The following RELN variants were observed in gnomAD, a reference collection of about 807,000 sequenced individuals.
The protein encoded by RELN is reelin.
A neutral mutation model predicts 427.6 loss-of-function variants in RELN; 108 were observed. The observed-to-expected ratio is 0.25, with a 90% CI of 0.22 to 0.30. The LOEUF (loss-of-function observed/expected upper bound fraction) is 0.30. Ranked by LOEUF, RELN falls within the 10% of genes least tolerant of loss-of-function variation. The pLI, the probability that RELN is intolerant of heterozygous loss-of-function variation, is 1.00. For synonymous variants in RELN, 1,524 were observed against 1,513.4 expected (o/e 1.01, Z -0.16); for missense variants, 3,715 against 4,302.8 (o/e 0.86, Z 3.82).
rs555497984 is a variant in RELN, at chr7:103,538,544, G to A, written c.7180+534C>T. Reference sequence around the variant, plus strand: ...TGGCCTGGAATGTGCTATGATCCACGGTGGCAAAAAATATAGGCAAAATGG... The same window carrying A: ...TGGCCTGGAATGTGCTATGATCCACAGTGGCAAAAAATATAGGCAAAATGG... On this transcript the variant is annotated intron_variant, in intron 45 of 64. Coordinates refer to ENST00000428762, the MANE Select transcript of RELN (RefSeq NM_005045.4). Among the ~76,000 whole-genome samples, 10 of 152,132 alleles carry A rather than the reference G, an allele frequency of 6.6e-5. No homozygotes were observed. The East Asian group carries it at 1.9e-3, about 29-fold the overall frequency.
chr7:103,814,767 G>GAC (rs1053046414), intron 3 of RELN, among the ~76,000 whole-genome samples: 3 of 107,948 alleles, frequency 2.8e-5, no homozygotes, highest in Admixed American at 1.1e-4. Flanking sequence ...GTAGCTCTGT[G>GAC]ACAGAGCTCA....
At chr7:103,937,658 ACT>A (rs1796016438) in intron 1 of RELN, among the ~76,000 whole-genome samples, 1 of 152,238 alleles carries the variant, frequency 6.6e-6, no homozygotes, top group Admixed American at 6.5e-5. Flanking sequence ...ATGTCCAGGT[ACT>A]CTCAACAACA....
At chr7:103,495,664 C>G in intron 57 of RELN, 59 bp downstream of exon 57, 2 of 1,493,156 alleles carry the variant, frequency 1.3e-6, no homozygotes, top group Non-Finnish European at 1.9e-6. Flanking sequence ...ACTAACCATT[C>G]TCCCTCGAGG....
chr7:103,954,147 C>G (rs1796387040), intron 1 of RELN, among the ~76,000 whole-genome samples: 1 of 152,052 alleles, frequency 6.6e-6, no homozygotes, highest in African/African-American at 2.4e-5. Flanking sequence ...GTAATCCCAG[C>G]TACTCAAGAG....
intron 1 of RELN, among the ~76,000 whole-genome samples, chr7:103,936,806 T>A (rs184830085): frequency 7.2e-5 from 11 of 151,932 alleles, no homozygotes; most frequent in African/African-American, 2.7e-4. Context: ...TCTTATGCAA[T>A]CATAGCAGAT....
chr7:103,898,681 A>C (rs1454633885), intron 2 of RELN, among the ~76,000 whole-genome samples: 1 of 152,076 alleles, frequency 6.6e-6, no homozygotes, highest in Non-Finnish European at 1.5e-5. Flanking sequence ...ATTAGCAGTA[A>C]GTTGAATATT....
intron 1 of RELN, among the ~76,000 whole-genome samples, chr7:103,949,022 C>CAA (rs66678362): frequency 0.048 from 4,279 of 88,320 alleles, 234 homozygotes; most frequent in African/African-American, 0.14. Flanking sequence ...ACATTGTCTC[C>CAA]AAAAAAAAAA....
intron 11 of RELN, among the ~76,000 whole-genome samples, chr7:103,664,711 T>C (rs1434979365): frequency 6.6e-6 from 1 of 152,184 alleles, no homozygotes; most frequent in African/African-American, 2.4e-5. Flanking sequence ...ACTTTGCATT[T>C]ACATGATTAG....
Position 103,478,376 on chromosome 7 carries a change from AAGG to A in RELN, c.10286+10_10286+12del, listed in dbSNP as rs2116962096. On this transcript the variant is annotated intron_variant, in intron 64 of 64. Coordinates refer to ENST00000428762, the MANE Select transcript of RELN (RefSeq NM_005045.4). ...TAGTAAACAGTTCCCCAGATTTAGT[AAGG>A]AGGACTTACCTTACTCTAGTGGAAA... The A allele has an allele frequency of 1.3e-6, 1 of 758,118 alleles. No homozygotes were observed. Among genetic ancestry groups the A allele is most frequent in the Non-Finnish European group, 2.4e-6 (1 of 414,050 alleles). 47.0% of individuals were successfully genotyped at this position (758,118 alleles called of 1,614,324 possible). A position where few individuals can be genotyped will look rare whatever the true frequency, so the allele number is the denominator to read the frequency against.
rs768983701 is a variant in RELN at position 103,594,456 on chromosome 7, G to A, written c.3576C>T (p.Thr1192=). 2.5e-6 allele frequency: 4 copies of A among 1,613,982 alleles called. No individual in the cohort carries two copies. Among genetic ancestry groups the A allele is most frequent in the Middle Eastern group, 1.7e-4 (1 of 6,060 alleles). The change falls in exon 26 of 65, where the codon ACC becomes ACT. Residue 1192 remains threonine, a synonymous_variant. Coordinates refer to ENST00000428762, the MANE Select transcript of RELN (RefSeq NM_005045.4). ...VYLELPAAAK[T]PCTRFRWWQP... ...GCCACCAGCGGAACCTGGTGCAAGG[G>A]GTCTTGGCAGCAGCTGGAAGCTCCA...
At chr7:103,807,541 G>T (rs1329917865) in intron 3 of RELN, among the ~76,000 whole-genome samples, 1 of 152,098 alleles carries the variant, frequency 6.6e-6, no homozygotes, top group Non-Finnish European at 1.5e-5. Context: ...GAGGCTTGGT[G>T]TACCAATGAT....
At chr7:103,575,811 G>T in intron 28 of RELN, 106 bp from the exon 29 acceptor site, 1 of 1,258,250 alleles carries the variant, frequency 7.9e-7, no homozygotes, top group Non-Finnish European at 1.2e-6. Context: ...ATATTTATTT[G>T]AAAGTCATGT....
chr7:103,978,284 T>A (rs1363766964), intron 1 of RELN, among the ~76,000 whole-genome samples: 1 of 152,164 alleles, frequency 6.6e-6, no homozygotes, highest in Non-Finnish European at 1.5e-5. Flanking sequence ...GAGTTCAACT[T>A]TTTTCAGATT....
At chr7:103,822,469 G>A (rs1793038045) in intron 3 of RELN, among the ~76,000 whole-genome samples, 1 of 152,022 alleles carries the variant, frequency 6.6e-6, no homozygotes, top group African/African-American at 2.4e-5. Flanking sequence ...CTAAGATACT[G>A]TAATATAAAG....
chr7:103,827,664 A>T (rs2116391538), intron 3 of RELN, among the ~76,000 whole-genome samples: 1 of 152,122 alleles, frequency 6.6e-6, no homozygotes, highest in African/African-American at 2.4e-5. Flanking sequence ...TGGGGAAGTG[A>T]GAACTATCAG....
chr7:103,611,277 C>T (rs1584343090), intron 21 of RELN, among the ~76,000 whole-genome samples: 1 of 151,902 alleles, frequency 6.6e-6, no homozygotes, highest in South Asian at 2.1e-4. Context: ...TAGGTAGAGA[C>T]AGATGAAGAC....
In RELN at chr7:103,612,608, A is replaced by T. The variant is rs536048589; in HGVS notation, c.2703-805T>A. Among the ~76,000 whole-genome samples the T allele has an allele frequency of 3.0e-3, 459 of 152,308 alleles. 2 individuals carry two copies. The highest frequency in any genetic ancestry group is 5.0e-3 in the Non-Finnish European group (337 of 68,020). On this transcript the variant is annotated intron_variant, in intron 20 of 64. Coordinates refer to ENST00000428762, the MANE Select transcript of RELN (RefSeq NM_005045.4). ...GTCTTAAAAAGCCATAAAATTATGC[A>T]TGAAGGAAATTCACCAGAATGTTTG...
chr7:103,873,974 C>T lies in RELN; in HGVS notation c.338-40302G>A, dbSNP rs989234403. 4.2e-3 allele frequency among the ~76,000 whole-genome samples: 601 copies of T among 142,876 alleles called. 14 individuals carry two copies. Among genetic ancestry groups the T allele is most frequent in the Admixed American group, 9.9e-3 (140 of 14,098 alleles). 93.7% of individuals were successfully genotyped at this position (142,876 alleles called of 152,430 possible). On this transcript the variant is annotated intron_variant, in intron 2 of 64. Transcript: ENST00000428762. The stretch of plus-strand genomic sequence containing the variant: ...AATCCTCAATAAAATACTGGCAAAC[C>T]GAATCCAGCAGCACATCAAAAAGCT...
chr7:103,675,705 A>G (rs1391814954), intron 11 of RELN, among the ~76,000 whole-genome samples: 1 of 152,226 alleles, frequency 6.6e-6, no homozygotes, highest in Non-Finnish European at 1.5e-5. Flanking sequence ...GACCAATGGA[A>G]CAGAACAGAG....
Sources: allele counts gnomAD v4.1 joint callset (sites outside exome capture counted in the v4.1 genomes callset), GRCh38; gene constraint gnomAD v4.1.1; transcripts MANE v1.5; gene names NCBI Gene and HGNC (gene_info 2026-07-23, HGNC 2026-07-21).